The following ARHGAP18 variants were observed in gnomAD, a reference collection of about 807,000 sequenced individuals.
ARHGAP18 encodes the protein Rho GTPase activating protein 18, also known as rho GTPase-activating protein 18.
A neutral mutation model predicts 86.2 loss-of-function variants in ARHGAP18; 67 were observed. The observed-to-expected ratio is 0.78, with a 90% CI of 0.64 to 0.95. ARHGAP18 has a LOEUF of 0.95. ARHGAP18 is among the 40% of genes least tolerant of loss of function. The pLI, the probability that ARHGAP18 is intolerant of heterozygous loss-of-function variation, is 0.00. For synonymous variants in ARHGAP18, 283 were observed against 280.4 expected (o/e 1.01, Z -0.09); for missense variants, 691 against 780.4 (o/e 0.89, Z 1.37).
intron 1 of ARHGAP18, among the ~76,000 whole-genome samples, chr6:129,688,201 A>C (rs914102839): frequency 2.0e-5 from 3 of 152,178 alleles, no homozygotes; most frequent in Admixed American, 6.5e-5. Flanking sequence ...CTCCCTTCCA[A>C]ACTTCTCTCT....
At chr6:129,677,639 G>A (rs571745885) in intron 1 of ARHGAP18, among the ~76,000 whole-genome samples, 2 of 152,300 alleles carry the variant, frequency 1.3e-5, no homozygotes, top group South Asian at 4.1e-4. Context: ...TCCAGGAAAT[G>A]TCCTTATTGA....
rs1409819851 is a variant in ARHGAP18, at chr6:129,661,060, A to G, written c.114-19042T>C. 2.6e-5 allele frequency among the ~76,000 whole-genome samples: 4 copies of G among 151,802 alleles called. No individual in the cohort carries two copies. The East Asian group carries it at 7.7e-4, about 29-fold the overall frequency. ...AAAACCAAAAGAATCACAATGGTGA[A>G]TTAACATTAAAGCTATAAAGAACTT... On this transcript the variant is annotated intron_variant, in intron 1 of 14. Transcript: ENST00000368149.
chr6:129,693,591 T>A (rs956659814), intron 1 of ARHGAP18, among the ~76,000 whole-genome samples: 4 of 152,122 alleles, frequency 2.6e-5, no homozygotes, highest in African/African-American at 9.7e-5. Flanking sequence ...CAGCCTGCCA[T>A]AGAAAATGTC....
At chr6:129,618,646 A>C in intron 6 of ARHGAP18, 41 bp downstream of exon 6, 1 of 1,533,714 alleles carries the variant, frequency 6.5e-7, no homozygotes, top group African/African-American at 1.4e-5. Flanking sequence ...CATCCTTGCT[A>C]TTTTAGAAAT....
intron 1 of ARHGAP18, among the ~76,000 whole-genome samples, chr6:129,652,106 G>A (rs1342589403): frequency 6.6e-6 from 1 of 152,160 alleles, no homozygotes; most frequent in Admixed American, 6.5e-5. Flanking sequence ...CTAGTTGATG[G>A]CATTTTGTTA....
At chr6:129,680,167 C>A (rs1774301278) in intron 1 of ARHGAP18, among the ~76,000 whole-genome samples, 1 of 152,156 alleles carries the variant, frequency 6.6e-6, no homozygotes, top group Non-Finnish European at 1.5e-5. Context: ...ACATTCACAA[C>A]TTCTGTGAAT....
At chr6:129,620,281 G>A (rs989939006) in intron 5 of ARHGAP18, among the ~76,000 whole-genome samples, 19 of 152,344 alleles carry the variant, frequency 1.2e-4, no homozygotes, top group Admixed American at 6.5e-4. Context: ...GTACTTATGT[G>A]TGGGATTTTT....
chr6:129,603,374 G>A (rs1788788900), intron 10 of ARHGAP18, among the ~76,000 whole-genome samples: 1 of 152,114 alleles, frequency 6.6e-6, no homozygotes, highest in Non-Finnish European at 1.5e-5. Flanking sequence ...GTGTATGTGT[G>A]TGTGTCTGTG....
At chr6:129,666,881 A>T (rs1442828682) in intron 1 of ARHGAP18, among the ~76,000 whole-genome samples, 1 of 108,870 alleles carries the variant, frequency 9.2e-6, no homozygotes, top group Non-Finnish European at 1.9e-5. Context: ...TGTACCTGTT[A>T]AAAGCTATTT....
chr6:129,678,318 AT>A (rs1242412648), intron 1 of ARHGAP18, among the ~76,000 whole-genome samples: 2 of 152,340 alleles, frequency 1.3e-5, no homozygotes, highest in Admixed American at 6.5e-5. Context: ...GCAGTTCTCT[AT>A]TGATCTCTTT....
intron 12 of ARHGAP18, among the ~76,000 whole-genome samples, chr6:129,585,990 C>T (rs1788388816): frequency 6.6e-6 from 1 of 152,142 alleles, no homozygotes; most frequent in Admixed American, 6.5e-5. Flanking sequence ...TCCCTTTGTC[C>T]TTGATTCTGT....
chr6:129,645,678 C>G (rs1209525287), intron 1 of ARHGAP18, among the ~76,000 whole-genome samples: 2 of 152,152 alleles, frequency 1.3e-5, no homozygotes, highest in African/African-American at 4.8e-5. Flanking sequence ...AAGGAAGTTG[C>G]CAGAGTTGCT....
At chr6:129,586,872 A>C (rs912170127) in intron 12 of ARHGAP18, among the ~76,000 whole-genome samples, 2 of 151,898 alleles carry the variant, frequency 1.3e-5, no homozygotes, top group African/African-American at 2.4e-5. Context: ...CCTCCCAAAT[A>C]TCTCTCTGCT....
At chr6:129,619,812 C>T (rs1386776300) in intron 5 of ARHGAP18, among the ~76,000 whole-genome samples, 1 of 151,982 alleles carries the variant, frequency 6.6e-6, no homozygotes. Flanking sequence ...AGAAAGGCTA[C>T]AGCCCATTGG....
intron 1 of ARHGAP18, among the ~76,000 whole-genome samples, chr6:129,682,996 G>A (rs1169164577): frequency 6.8e-6 from 1 of 147,844 alleles, no homozygotes; most frequent in African/African-American, 2.5e-5. Flanking sequence ...TACCACCATG[G>A]TTATTCACAG....
intron 10 of ARHGAP18, among the ~76,000 whole-genome samples, chr6:129,604,122 G>T (rs1788804045): frequency 6.6e-6 from 1 of 152,024 alleles, no homozygotes; most frequent in African/African-American, 2.4e-5. Flanking sequence ...CAGCAGAGCT[G>T]GCTAATTAAG....
chr6:129,702,852 T>C (rs1422153341), intron 1 of ARHGAP18, among the ~76,000 whole-genome samples: 1 of 151,740 alleles, frequency 6.6e-6, no homozygotes, highest in African/African-American at 2.4e-5. Context: ...ACACAAAAAT[T>C]AGACGGGTGT....
chr6:129,620,559 T>C (rs1562693844), intron 5 of ARHGAP18, among the ~76,000 whole-genome samples: 1 of 152,246 alleles, frequency 6.6e-6, no homozygotes, highest in Non-Finnish European at 1.5e-5. Flanking sequence ...TAATACAAAT[T>C]ACAATTCCAT....
At chr6:129,582,184 T>C (rs373052389) in intron 13 of ARHGAP18, among the ~76,000 whole-genome samples, 11 of 151,438 alleles carry the variant, frequency 7.3e-5, no homozygotes, top group East Asian at 3.9e-4. Context: ...GGGTAGCAAA[T>C]GCTTATTTAA....
Sources: gnomAD v4.1 joint callset for allele counts (sites outside exome capture counted in the v4.1 genomes callset) on GRCh38, gnomAD v4.1.1 for gene constraint, MANE v1.5 for transcripts, NCBI Gene and HGNC (gene_info 2026-07-23, HGNC 2026-07-21) for gene names.